Variants in JAZF1 observed in about 807,000 individuals in gnomAD.
JAZF1 encodes juxtaposed with another zinc finger protein 1.
JAZF1 carries 8 observed loss-of-function variants against 26.4 expected under a neutral mutation model. That is an observed-to-expected ratio of 0.30 (90% CI 0.18 to 0.55). The LOEUF is 0.55. JAZF1 is among the 20% of genes least tolerant of loss of function. The pLI, the probability that JAZF1 is intolerant of heterozygous loss-of-function variation, is 0.94. For missense variants in JAZF1, 199 were observed against 322.0 expected, an observed-to-expected ratio of 0.62 and a Z score of 2.92; for synonymous variants, 126 against 122.3, an observed-to-expected ratio of 1.03 and a Z score of -0.20.
At chr7:28,102,607 T>A (rs901918430) in intron 1 of JAZF1, among the ~76,000 whole-genome samples, 2 of 142,300 alleles carry the variant, frequency 1.4e-5, no homozygotes, top group African/African-American at 5.3e-5. Flanking sequence ...TGAAAAAAAA[T>A]GTCTGCATAT....
chr7:28,135,479 T>A (rs781517794), intron 1 of JAZF1, among the ~76,000 whole-genome samples: 2 of 152,264 alleles, frequency 1.3e-5, no homozygotes, highest in Non-Finnish European at 2.9e-5. Flanking sequence ...CACAGCCACA[T>A]GTTCTTTGGC....
At chr7:28,122,256 G>A (rs1782616926) in intron 1 of JAZF1, among the ~76,000 whole-genome samples, 1 of 152,156 alleles carries the variant, frequency 6.6e-6, no homozygotes, top group Non-Finnish European at 1.5e-5. Flanking sequence ...CTTCTCTAAT[G>A]CGCTCCCAAA....
At chr7:28,147,826 C>G (rs973547852) in intron 1 of JAZF1, among the ~76,000 whole-genome samples, 1 of 151,938 alleles carries the variant, frequency 6.6e-6, no homozygotes, top group African/African-American at 2.4e-5. Context: ...GAAGGATCAC[C>G]TGAACATGGG....
intron 3 of JAZF1, among the ~76,000 whole-genome samples, chr7:27,870,075 A>ATTTTTTTTTTTTTTTTTTTTTTTT (rs371770357): frequency 8.3e-6 from 1 of 120,664 alleles, no homozygotes; most frequent in Non-Finnish European, 1.7e-5. Flanking sequence ...CACCCGGTTA[A>ATTTTTTTTTTTTTTTTTTTTTTTT]TTTTTTTTTT....
intron 1 of JAZF1, among the ~76,000 whole-genome samples, chr7:28,006,229 C>T (rs752495114): frequency 2.5e-4 from 38 of 151,990 alleles, no homozygotes; most frequent in Non-Finnish European, 4.1e-4. Context: ...ATCAGCCAGG[C>T]GTGGTGGTGT....
chr7:28,164,011 C>T lies in JAZF1; in HGVS notation c.115+16452G>A, dbSNP rs796569820. On this transcript the variant is annotated intron_variant, in intron 1 of 4. Coordinates refer to ENST00000283928, the MANE Select transcript of JAZF1 (RefSeq NM_175061.4). ...GTTATGTGCATGATGTGAATAGAGG[C>T]CTTAAATAAGCTTCTGTGGTTTGGC... is the stretch of plus-strand genomic sequence containing the variant. Among the ~76,000 whole-genome samples the T allele has an allele frequency of 3.0e-4, 46 of 152,344 alleles. 1 individual carries two copies. Among genetic ancestry groups the T allele is most frequent in the African/African-American group, 1.1e-3 (46 of 41,578 alleles).
At chr7:27,953,685 A>G (rs1785045442) in intron 2 of JAZF1, among the ~76,000 whole-genome samples, 1 of 152,258 alleles carries the variant, frequency 6.6e-6, no homozygotes, top group African/African-American at 2.4e-5. Context: ...AGGATAAAAA[A>G]GACAAATTTA....
At chr7:27,898,238 GGA>G (rs1266230517) in intron 2 of JAZF1, among the ~76,000 whole-genome samples, 1 of 145,590 alleles carries the variant, frequency 6.9e-6, no homozygotes, top group Non-Finnish European at 1.5e-5. Context: ...AGAGACAGAG[GGA>G]GAGACAGCCA....
chr7:28,105,718 G>C (rs1784540966), intron 1 of JAZF1, among the ~76,000 whole-genome samples: 1 of 152,204 alleles, frequency 6.6e-6, no homozygotes, highest in Non-Finnish European at 1.5e-5. Context: ...AGCTTGACTT[G>C]CTCCTCTCAT....
intron 2 of JAZF1, among the ~76,000 whole-genome samples, chr7:27,935,287 C>T (rs925406023): frequency 1.3e-5 from 2 of 152,112 alleles, no homozygotes; most frequent in South Asian, 4.1e-4. Context: ...AAATAGTTGG[C>T]GGATCCTCAA....
At chr7:27,843,576 G>C (rs1320116221) in intron 3 of JAZF1, 3 of 152,248 alleles carry the variant, frequency 2.0e-5, no homozygotes, top group Non-Finnish European at 4.4e-5. Flanking sequence ...AATTCCAAAA[G>C]GGTTGGGAAT....
At chr7:28,051,975 A>C (rs1783625363) in intron 1 of JAZF1, among the ~76,000 whole-genome samples, 1 of 152,222 alleles carries the variant, frequency 6.6e-6, no homozygotes, top group South Asian at 2.1e-4. Flanking sequence ...AAGCCAATGC[A>C]TAAAATCTGA....
At position 27,832,779 on chromosome 7, in the gene JAZF1, G is replaced by A; in HGVS notation, c.*21C>T. 1 of 1,457,892 alleles carries A rather than the reference G, an allele frequency of 6.9e-7. No individual in the cohort carries two copies. Among genetic ancestry groups the A allele is most frequent in the Non-Finnish European group, 9.1e-7 (1 of 1,094,872 alleles). The allele number at this position is 1,457,892 out of a possible 1,614,324, so 90.3% of individuals were successfully genotyped here. ...CAGCAACTGCTGGTGAGGATTTCTT[G>A]GCACAGTTATGACCAGCATGTTATT... On this transcript the variant is annotated 3_prime_UTR_variant, in exon 5 of 5. Coordinates refer to ENST00000283928, the MANE Select transcript of JAZF1 (RefSeq NM_175061.4).
chr7:27,857,069 T>C (rs891343238), intron 3 of JAZF1, among the ~76,000 whole-genome samples: 7 of 152,110 alleles, frequency 4.6e-5, no homozygotes, highest in African/African-American at 1.7e-4. Context: ...CCTCAGCCCT[T>C]GGGTGGTTGA....
At chr7:28,099,899 T>C (rs1242192758) in intron 1 of JAZF1, among the ~76,000 whole-genome samples, 2 of 152,226 alleles carry the variant, frequency 1.3e-5, no homozygotes, top group Non-Finnish European at 2.9e-5. Context: ...CTTGGAGCTA[T>C]ACTTGGCCTG....
chr7:27,955,022 T>C (rs1286280583), intron 2 of JAZF1, among the ~76,000 whole-genome samples: 1 of 152,214 alleles, frequency 6.6e-6, no homozygotes, highest in Non-Finnish European at 1.5e-5. Flanking sequence ...CCTCCAAAAG[T>C]GCTGGGATTA....
At position 27,832,024 on chromosome 7, in the gene JAZF1, A is replaced by G. The variant is rs1261473369; in HGVS notation, c.*776T>C. 3 of 216,340 alleles carry G rather than the reference A, an allele frequency of 1.4e-5. No individual in the cohort carries two copies. Among genetic ancestry groups the G allele is most frequent in the African/African-American group, 6.7e-5 (3 of 44,540 alleles). 13.4% of individuals were successfully genotyped at this position (216,340 alleles called of 1,614,324 possible). ...TGGGTATCTTGGTCCGCAGATATCA[A>G]TAGGCATAAATTGAATCCCTTGTAC... On this transcript the variant is annotated 3_prime_UTR_variant, in exon 5 of 5. Coordinates refer to ENST00000283928, the MANE Select transcript of JAZF1 (RefSeq NM_175061.4).
intron 2 of JAZF1, among the ~76,000 whole-genome samples, chr7:27,915,492 T>C (rs1214294733): frequency 6.6e-6 from 1 of 152,196 alleles, no homozygotes; most frequent in Non-Finnish European, 1.5e-5. Flanking sequence ...TTTTAAAAAG[T>C]GTTATATTCC....
At chr7:27,925,296 G>A (rs1784589290) in intron 2 of JAZF1, among the ~76,000 whole-genome samples, 2 of 152,318 alleles carry the variant, frequency 1.3e-5, no homozygotes, top group Admixed American at 1.3e-4. Flanking sequence ...CCTTTCATGA[G>A]ATTTGAAATT....
Sources: gnomAD v4.1 joint callset for allele counts (sites outside exome capture counted in the v4.1 genomes callset) on GRCh38, gnomAD v4.1.1 for gene constraint, MANE v1.5 for transcripts, NCBI Gene and HGNC (gene_info 2026-07-23, HGNC 2026-07-21) for gene names.